EIF2AK4: variants seen among roughly 807,000 people sequenced by gnomAD.
EIF2AK4 encodes eukaryotic translation initiation factor 2 alpha kinase 4.
EIF2AK4 carries 139 observed loss-of-function variants against 211.1 expected under a neutral mutation model. That is an observed-to-expected ratio of 0.66 (90% CI 0.57 to 0.76). The LOEUF is 0.76. EIF2AK4 is among the 30% of genes least tolerant of loss of function. The pLI is 0.00. For synonymous variants in EIF2AK4, 710 were observed against 751.3 expected (o/e 0.94, Z 0.90); for missense variants, 1,664 against 2,043.8 (o/e 0.81, Z 3.58).
At chr15:40,006,001 A>G (rs188703650) in intron 23 of EIF2AK4, among the ~76,000 whole-genome samples, 35 of 152,290 alleles carry the variant, frequency 2.3e-4, no homozygotes, top group Admixed American at 1.2e-3. Flanking sequence ...AAGCTCCAAA[A>G]AGCAAAACTT....
At position 39,997,045 on chromosome 15, in the gene EIF2AK4, G is replaced by C. The variant is rs1267321250; in HGVS notation, c.2848G>C (p.Val950Leu). ...PMVTASERIFVLNQLRDPTSP... is the reference protein window; with the variant it reads ...PMVTASERIFLLNQLRDPTSP... The stretch of plus-strand genomic sequence containing the variant: ...GGTCACGGCTTCAGAAAGGATCTTT[G>C]TTCTCAACCAACTCAGAGATGTATG... Residue 950 changes from valine to leucine, a missense_variant, in exon 19 of 39, where the codon GTT becomes CTT. By Grantham distance (32) the Val-to-Leu change is conservative (BLOSUM62 1). Coordinates refer to ENST00000263791, the MANE Select transcript of EIF2AK4 (RefSeq NM_001013703.4). 1.2e-6 allele frequency: 2 copies of C among 1,613,162 alleles called. No individual in the cohort carries two copies. The highest frequency in any genetic ancestry group is 1.7e-6 in the Non-Finnish European group (2 of 1,179,332).
intron 13 of EIF2AK4, among the ~76,000 whole-genome samples, chr15:39,982,028 C>T (rs1302999839): frequency 6.6e-6 from 1 of 151,660 alleles, no homozygotes; most frequent in African/African-American, 2.4e-5. Flanking sequence ...GGGTTCACGC[C>T]ATTCTCCTGC....
At chr15:40,024,435 T>TTCTTGCTC (rs2035437657) in intron 32 of EIF2AK4, among the ~76,000 whole-genome samples, 1 of 146,738 alleles carries the variant, frequency 6.8e-6, no homozygotes, top group African/African-American at 2.5e-5. Context: ...TTGAGATGGA[T>TTCTTGCTC]TCTTGCTCTG....
intron 6 of EIF2AK4, among the ~76,000 whole-genome samples, chr15:39,959,990 T>C (rs577001301): frequency 4.6e-4 from 70 of 152,022 alleles, no homozygotes; most frequent in Admixed American, 1.6e-3. Context: ...GGTGAAACCC[T>C]GTCTCTACTA....
chr15:39,987,915 A>G (rs1356049362), intron 14 of EIF2AK4, 68 bp from the exon 15 acceptor site: 1 of 1,548,856 alleles, frequency 6.5e-7, no homozygotes, highest in African/African-American at 1.4e-5. Context: ...GGATTATGTA[A>G]ATTGCAGTTA....
rs148645207 is a variant in EIF2AK4 at position 39,941,414 on chromosome 15, C to T, written c.257+1797C>T. On this transcript the variant is annotated intron_variant, in intron 2 of 38. Transcript: ENST00000263791. ...TATGAAAAACATAAGATGCTCCTCT[C>T]ACCCCTGTTGCTCAGGAAATTCCAA... 7.4e-4 allele frequency among the ~76,000 whole-genome samples: 113 copies of T among 152,302 alleles called. 2 individuals carry two copies. The East Asian group carries it at 9.6e-3, about 13-fold the overall frequency.
intron 1 of EIF2AK4, among the ~76,000 whole-genome samples, chr15:39,937,375 C>T (rs907009368): frequency 6.6e-6 from 1 of 151,806 alleles, no homozygotes; most frequent in Non-Finnish European, 1.5e-5. Flanking sequence ...GTTTACAAAC[C>T]ATTGATTTTT....
Position 39,972,912 on chromosome 15 carries a change from G to A in EIF2AK4, c.1558G>A (p.Val520Met), listed in dbSNP as rs370195128. ...ADFQDFLKKC[V>M]CLDDKERWSP... Reference sequence around the variant, plus strand: ...TCTTCCTTCCCTCTCACCGAGATGTGTGTGCTTGGATGACAAGGAAAGATG... The same window carrying A: ...TCTTCCTTCCCTCTCACCGAGATGTATGTGCTTGGATGACAAGGAAAGATG... The change falls in exon 10 of 39, where the codon GTG (valine) becomes ATG (methionine). Residue 520 changes from valine to methionine, a missense_variant. Physicochemically the swap from Val to Met is conservative, Grantham distance 21. Coordinates refer to ENST00000263791, the MANE Select transcript of EIF2AK4 (RefSeq NM_001013703.4). 3.3e-5 allele frequency: 53 copies of A among 1,613,638 alleles called. No homozygotes were observed. Among genetic ancestry groups the A allele is most frequent in the Non-Finnish European group, 4.2e-5 (50 of 1,179,776 alleles).
At position 40,032,163 on chromosome 15, in the gene EIF2AK4, A is replaced by AT; in HGVS notation, c.4660-3dup. 6.2e-7 allele frequency: 1 copy of AT among 1,612,076 alleles called. No individual in the cohort carries two copies. Among genetic ancestry groups the AT allele is most frequent in the Non-Finnish European group, 8.5e-7 (1 of 1,178,096 alleles). On this transcript the variant is annotated splice_polypyrimidine_tract_variant and splice_region_variant and intron_variant, in intron 35 of 38. Coordinates refer to ENST00000263791, the MANE Select transcript of EIF2AK4 (RefSeq NM_001013703.4). ...ATGTTCTGAATTCCATTTTCTTACT[A>AT]TTTAGGTACAAACTCGACTTCAGAC... is the stretch of plus-strand genomic sequence containing the variant.
At chr15:39,938,908 A>T (rs1041939704) in intron 1 of EIF2AK4, among the ~76,000 whole-genome samples, 1 of 152,210 alleles carries the variant, frequency 6.6e-6, no homozygotes, top group South Asian at 2.1e-4. Context: ...AGTGTATCTA[A>T]ATTGAAGAAC....
chr15:39,950,467 T>A (rs1203191847), intron 4 of EIF2AK4, among the ~76,000 whole-genome samples: 1 of 151,884 alleles, frequency 6.6e-6, no homozygotes, highest in Non-Finnish European at 1.5e-5. Flanking sequence ...GGCAGGCACC[T>A]GTAATCCCAG....
intron 12 of EIF2AK4, 78 bp from the exon 13 acceptor site, chr15:39,978,000 C>G: frequency 1.0e-6 from 1 of 991,140 alleles, no homozygotes; most frequent in East Asian, 2.4e-5. Context: ...CTTGTGCTTT[C>G]TAGTATTTAA....
chr15:40,004,340 CA>C (rs2035131660), intron 23 of EIF2AK4, among the ~76,000 whole-genome samples: 1 of 152,024 alleles, frequency 6.6e-6, no homozygotes, highest in Non-Finnish European at 1.5e-5. Context: ...TTGTGGTAGT[CA>C]AAAACTGTCT....
chr15:39,998,716 A>G lies in EIF2AK4; in HGVS notation c.2869-15A>G. 6.2e-7 allele frequency: 1 copy of G among 1,609,672 alleles called. No homozygotes were observed. Among genetic ancestry groups the G allele is most frequent in the African/African-American group, 1.3e-5 (1 of 74,922 alleles). On this transcript the variant is annotated splice_polypyrimidine_tract_variant and intron_variant, in intron 19 of 38. Transcript: ENST00000263791. ...AGTCTGCCAAAACCTTGCTGATTTGAATATATTTTTTTAGCCCACTTCGCC... is the reference window on the plus strand; with the variant it reads ...AGTCTGCCAAAACCTTGCTGATTTGGATATATTTTTTTAGCCCACTTCGCC...
chr15:39,948,569 A>G (rs533101131), intron 3 of EIF2AK4, among the ~76,000 whole-genome samples: 1 of 152,322 alleles, frequency 6.6e-6, no homozygotes, highest in Admixed American at 6.5e-5. Flanking sequence ...AATACTTTCT[A>G]AGTATTTATC....
At chr15:40,026,743 G>A (rs948439583) in intron 33 of EIF2AK4, among the ~76,000 whole-genome samples, 57 of 152,172 alleles carry the variant, frequency 3.7e-4, no homozygotes, top group African/African-American at 1.3e-3. Flanking sequence ...CGTGTACTTT[G>A]AAAGATGTAA....
rs376284820 is a variant in EIF2AK4 at position 40,022,819 on chromosome 15, C to T, written c.4389+214C>T. On this transcript the variant is annotated intron_variant, in intron 32 of 38. Coordinates refer to ENST00000263791, the MANE Select transcript of EIF2AK4 (RefSeq NM_001013703.4). Reference sequence around the variant, plus strand: ...CGCAATCTCGGCTCACTGCAAGCTCCGCCTCCCGGGTTCTCGCCATTTTCC... The same window carrying T: ...CGCAATCTCGGCTCACTGCAAGCTCTGCCTCCCGGGTTCTCGCCATTTTCC... Among the ~76,000 whole-genome samples, 16 of 152,170 alleles carry T rather than the reference C, an allele frequency of 1.1e-4. No homozygotes were observed. The East Asian group carries it at 1.5e-3, about 15-fold the overall frequency.
chr15:40,018,797 T>C (rs551944485), intron 29 of EIF2AK4, among the ~76,000 whole-genome samples: 24 of 152,316 alleles, frequency 1.6e-4, no homozygotes, highest in African/African-American at 5.8e-4. Context: ...CCAGTATGTG[T>C]TTTACATGTA....
chr15:40,000,376 A>G (rs1004586546), intron 20 of EIF2AK4, among the ~76,000 whole-genome samples: 6 of 152,200 alleles, frequency 3.9e-5, no homozygotes, highest in African/African-American at 1.4e-4. Context: ...CTAACTCCTT[A>G]TAAATCTTTA....
Sources: allele counts gnomAD v4.1 joint callset (sites outside exome capture counted in the v4.1 genomes callset), GRCh38; gene constraint gnomAD v4.1.1; transcripts MANE v1.5; gene names NCBI Gene and HGNC (gene_info 2026-07-23, HGNC 2026-07-21).